DCLK1: variants seen among roughly 807,000 people sequenced by gnomAD.
DCLK1 encodes the protein serine/threonine-protein kinase DCLK1.
A neutral mutation model predicts 86.2 loss-of-function variants in DCLK1; 16 were observed. That is an observed-to-expected ratio of 0.19 (90% confidence interval 0.13 to 0.28). The LOEUF (loss-of-function observed/expected upper bound fraction) is 0.28, where lower values mean the gene tolerates loss of function less well. Among genes scored for constraint, DCLK1 ranks in the 10% least tolerant of loss-of-function variants. The pLI, the probability that DCLK1 is intolerant of heterozygous loss-of-function variation, is 1.00. For missense variants in DCLK1, 590 were observed against 940.2 expected, an observed-to-expected ratio of 0.63 and a Z score of 4.87; for synonymous variants, 369 against 370.5, an observed-to-expected ratio of 1.00 and a Z score of 0.05.
chr13:35,911,366 G>C lies in DCLK1; in HGVS notation c.823+35992C>G, dbSNP rs139066161. ...TTCAGAGATAAACACTTGTACCATT[G>C]CTGCTCCAAGCAATGGCCCCACCTC... On this transcript the variant is annotated intron_variant, in intron 4 of 16. Coordinates refer to ENST00000360631, the MANE Select transcript of DCLK1 (RefSeq NM_001330071.2). 1.4e-3 allele frequency among the ~76,000 whole-genome samples: 208 copies of C among 151,482 alleles called. 1 individual carries two copies. Among genetic ancestry groups the C allele is most frequent in the African/African-American group, 5.0e-3 (205 of 41,308 alleles).
At chr13:35,956,523 G>A (rs960430219) in intron 3 of DCLK1, among the ~76,000 whole-genome samples, 1 of 148,326 alleles carries the variant, frequency 6.7e-6, no homozygotes, top group African/African-American at 2.5e-5. Flanking sequence ...GTAAAATGTG[G>A]CACTGAACAT....
intron 3 of DCLK1, among the ~76,000 whole-genome samples, chr13:35,975,847 G>T (rs1482408746): frequency 6.6e-6 from 1 of 152,130 alleles, no homozygotes; most frequent in Admixed American, 6.5e-5. Flanking sequence ...ACAGGGTAGG[G>T]AGCCCTATCC....
At chr13:36,037,028 C>A (rs991443789) in intron 3 of DCLK1, among the ~76,000 whole-genome samples, 1 of 151,134 alleles carries the variant, frequency 6.6e-6, no homozygotes, top group African/African-American at 2.4e-5. Context: ...ATATATATAT[C>A]ACACACACAC....
rs145187976 is a variant in DCLK1 at position 35,864,095 on chromosome 13, A to C, written c.940+7129T>G. ...CACTATAGATTCTCAATGCATACTG[A>C]ATGAATGAATGGTTGTTGCCATGAA... On this transcript the variant is annotated intron_variant, in intron 5 of 16. Transcript: ENST00000360631. Among the ~76,000 whole-genome samples the C allele has an allele frequency of 2.2e-4, 33 of 152,246 alleles. No individual in the cohort carries two copies. In the East Asian group the frequency reaches 5.8e-3, roughly 27 times the overall value.
At chr13:35,830,768 T>G (rs373527765) in intron 8 of DCLK1, among the ~76,000 whole-genome samples, 34 of 152,276 alleles carry the variant, frequency 2.2e-4, no homozygotes, top group African/African-American at 7.0e-4. Flanking sequence ...GGGATGTTTG[T>G]GAGACTGAAA....
intron 10 of DCLK1, among the ~76,000 whole-genome samples, chr13:35,827,324 T>C (rs890934457): frequency 6.6e-6 from 1 of 152,196 alleles, no homozygotes; most frequent in Non-Finnish European, 1.5e-5. Context: ...GCTTTGTGTG[T>C]CACACAAACT....
intron 3 of DCLK1, among the ~76,000 whole-genome samples, chr13:36,028,385 C>T (rs1473339454): frequency 6.6e-6 from 1 of 152,190 alleles, no homozygotes; most frequent in Non-Finnish European, 1.5e-5. Context: ...GGCTCATGGA[C>T]TTCAATGTTC....
chr13:35,895,755 A>C (rs943269061), intron 4 of DCLK1, among the ~76,000 whole-genome samples: 6 of 149,966 alleles, frequency 4.0e-5, no homozygotes, highest in Admixed American at 1.3e-4. Context: ...AAAAAAAAAC[A>C]AAACAAAACA....
intron 11 of DCLK1, 94 bp downstream of exon 11, chr13:35,822,635 T>C (rs2087422607): frequency 6.4e-7 from 1 of 1,564,632 alleles, no homozygotes; most frequent in Non-Finnish European, 8.7e-7. Flanking sequence ...TTCAGGTAAA[T>C]TTTTAAAAAA....
intron 4 of DCLK1, among the ~76,000 whole-genome samples, chr13:35,873,363 C>T (rs151036297): frequency 6.6e-6 from 1 of 152,004 alleles, no homozygotes; most frequent in African/African-American, 2.4e-5. Flanking sequence ...ATGATGCCCT[C>T]CAGAAAGTCC....
At chr13:35,808,169 A>G in intron 14 of DCLK1, 55 bp downstream of exon 14, 1 of 1,499,494 alleles carries the variant, frequency 6.7e-7, no homozygotes, top group Non-Finnish European at 9.3e-7. Context: ...ATTTGGAAAA[A>G]TAATTCCGTT....
intron 4 of DCLK1, among the ~76,000 whole-genome samples, chr13:35,890,078 G>A (rs576116573): frequency 1.3e-5 from 2 of 152,040 alleles, no homozygotes; most frequent in African/African-American, 2.4e-5. Flanking sequence ...TAATATATGT[G>A]TTGTTTTTTA....
At chr13:35,791,289 C>T (rs2086703639) in intron 16 of DCLK1, among the ~76,000 whole-genome samples, 1 of 150,652 alleles carries the variant, frequency 6.6e-6, no homozygotes, top group Non-Finnish European at 1.5e-5. Flanking sequence ...AAAAAAAAAA[C>T]CTCTGCAGCA....
intron 3 of DCLK1, among the ~76,000 whole-genome samples, chr13:36,028,956 C>T (rs1391310469): frequency 6.6e-6 from 1 of 152,174 alleles, no homozygotes; most frequent in Non-Finnish European, 1.5e-5. Context: ...ACCCCTTTCC[C>T]AGAAAATTCA....
intron 3 of DCLK1, among the ~76,000 whole-genome samples, chr13:36,030,062 T>C (rs2153152947): frequency 6.6e-6 from 1 of 152,314 alleles, no homozygotes; most frequent in Non-Finnish European, 1.5e-5. Context: ...AACTCATTAA[T>C]GAGTTTTAGT....
At chr13:35,794,144 T>C (rs1477953323) in intron 15 of DCLK1, among the ~76,000 whole-genome samples, 1 of 152,248 alleles carries the variant, frequency 6.6e-6, no homozygotes, top group African/African-American at 2.4e-5. Flanking sequence ...CACATGGTTC[T>C]CTTGTACTAA....
At chr13:36,002,327 A>G (rs1880759180) in intron 3 of DCLK1, among the ~76,000 whole-genome samples, 1 of 152,202 alleles carries the variant, frequency 6.6e-6, no homozygotes, top group South Asian at 2.1e-4. Flanking sequence ...AAGTCAAAGG[A>G]TTTCTTCAGC....
At chr13:35,975,236 G>T (rs1019061797) in intron 3 of DCLK1, among the ~76,000 whole-genome samples, 1 of 152,200 alleles carries the variant, frequency 6.6e-6, no homozygotes, top group Admixed American at 6.5e-5. Context: ...CAGTGTGAGG[G>T]ACCAGTAGGC....
intron 13 of DCLK1, 66 bp from the exon 14 acceptor site, chr13:35,808,386 G>C: frequency 7.3e-7 from 1 of 1,366,536 alleles, no homozygotes; most frequent in Admixed American, 1.7e-5. Flanking sequence ...CATCTTTTCA[G>C]TCTTAGGCAC....
Sources: gnomAD v4.1 joint callset for allele counts (sites outside exome capture counted in the v4.1 genomes callset) on GRCh38, gnomAD v4.1.1 for gene constraint, MANE v1.5 for transcripts, NCBI Gene and HGNC (gene_info 2026-07-23, HGNC 2026-07-21) for gene names.